The following INTS7 variants were observed in gnomAD, a reference collection of about 807,000 sequenced individuals.
The protein encoded by INTS7 is integrator complex subunit 7, also known as chromosome 1 open reading frame 73.
In INTS7, 46 loss-of-function variants were observed where a neutral mutation model predicts 109.2. The observed-to-expected ratio is 0.42, with a 90% confidence interval of 0.33 to 0.54. INTS7 has a LOEUF of 0.54. INTS7 is among the 20% of genes least tolerant of loss of function. The probability of loss-of-function intolerance (pLI) is 0.07; values close to 1 mark genes in which losing one functional copy is unlikely to be tolerated. For synonymous variants in INTS7, 412 were observed against 402.9 expected, an observed-to-expected ratio of 1.02 and a Z score of -0.27; for missense variants, 929 against 1,132.4, an observed-to-expected ratio of 0.82 and a Z score of 2.58.
intron 8 of INTS7, among the ~76,000 whole-genome samples, chr1:211,986,617 G>A (rs1209491786): frequency 6.6e-6 from 1 of 152,260 alleles, no homozygotes; most frequent in East Asian, 1.9e-4. Context: ...TTCTGTTACA[G>A]GGTACCAGAC....
chr1:211,997,471 T>C (rs188657575), intron 7 of INTS7, among the ~76,000 whole-genome samples: 44 of 135,010 alleles, frequency 3.3e-4, no homozygotes, highest in African/African-American at 1.0e-3. Flanking sequence ...CAGTGAATCA[T>C]GACTGCACAC....
Position 211,975,473 on chromosome 1 carries a change from C to G in INTS7, c.1609-101G>C, listed in dbSNP as rs537250674. ...CAGCAGCTAAAAGAGAAACCCAAAC[C>G]TTGGATAAGTCTGAACAATCATTCC... On this transcript the variant is annotated intron_variant, in intron 12 of 19. Coordinates refer to ENST00000366994, the MANE Select transcript of INTS7 (RefSeq NM_015434.4). The G allele has an allele frequency of 5.0e-6, 4 of 799,914 alleles. No individual in the cohort carries two copies. The South Asian group carries it at 6.3e-5, about 13-fold the overall frequency. 49.6% of individuals were successfully genotyped at this position (799,914 alleles called of 1,614,324 possible). A position where few individuals can be genotyped will look rare whatever the true frequency, so the allele number is the denominator to read the frequency against.
chr1:211,941,971 A>G lies in INTS7; in HGVS notation c.2742T>C (p.Asn914=), dbSNP rs184653671. 334 of 1,614,180 alleles carry G rather than the reference A, an allele frequency of 2.1e-4. No homozygotes were observed. In the East Asian group the frequency reaches 7.4e-3, roughly 36 times the overall value. The change falls in exon 20 of 20, where the codon AAT becomes AAC. Residue 914 remains asparagine (N), a synonymous_variant. Transcript: ENST00000366994. ...TGGGACCAGTCTTCCATACTATACC[A>G]TTGGCATCTTTCACAGAAGATTCCA... ...ITVESSVKDA[N]GIVWKTGPRT...
chr1:211,978,869 T>C (rs1455124914), intron 10 of INTS7, among the ~76,000 whole-genome samples: 1 of 152,182 alleles, frequency 6.6e-6, no homozygotes, highest in African/African-American at 2.4e-5. Flanking sequence ...GAAGTGTGGC[T>C]TGTAAACTAT....
In INTS7 at chr1:211,976,941, T is replaced by G. The variant is rs141565681; in HGVS notation, c.1471-222A>C. Among the ~76,000 whole-genome samples the G allele has an allele frequency of 1.5e-3, 229 of 152,288 alleles. 1 individual carries two copies. The highest frequency in any genetic ancestry group is 5.4e-3 in the African/African-American group (223 of 41,542). ...AAAGAAGTAGAAGCAATACCCATAA[T>G]ATGAATAAATTATATAACATAATCA... On this transcript the variant is annotated intron_variant, in intron 11 of 19. Transcript: ENST00000366994.
chr1:211,974,374 T>C (rs1382179937), intron 13 of INTS7, among the ~76,000 whole-genome samples: 4 of 149,104 alleles, frequency 2.7e-5, no homozygotes, highest in African/African-American at 9.8e-5. Flanking sequence ...ACCTGTTTTT[T>C]CTACTTTGAA....
intron 7 of INTS7, among the ~76,000 whole-genome samples, chr1:211,995,599 A>G (rs1665345868): frequency 6.6e-6 from 1 of 152,254 alleles, no homozygotes; most frequent in South Asian, 2.1e-4. Context: ...AAAACTCTCT[A>G]TGGAATAAGA....
chr1:211,965,027 G>T (rs1663806908), intron 16 of INTS7, among the ~76,000 whole-genome samples: 1 of 152,016 alleles, frequency 6.6e-6, no homozygotes, highest in South Asian at 2.1e-4. Flanking sequence ...ACAACCTACA[G>T]AATGGGAGAA....
intron 18 of INTS7, among the ~76,000 whole-genome samples, chr1:211,945,853 C>T (rs1185029653): frequency 3.3e-5 from 5 of 152,200 alleles, no homozygotes; most frequent in African/African-American, 1.2e-4. Flanking sequence ...AATACTAATT[C>T]TACTCACTGG....
intron 1 of INTS7, among the ~76,000 whole-genome samples, chr1:212,025,254 T>C (rs1478704678): frequency 6.6e-6 from 1 of 152,192 alleles, no homozygotes; most frequent in East Asian, 1.9e-4. Flanking sequence ...TACTGTATCA[T>C]TCTATTTTAT....
At chr1:212,011,668 A>T in intron 4 of INTS7, 1 of 395,192 alleles carries the variant, frequency 2.5e-6, no homozygotes, top group Non-Finnish European at 4.6e-6. Flanking sequence ...ACCACAATAC[A>T]GTGTTATTTT....
chr1:212,015,766 AATTT>A (rs1666408659), intron 4 of INTS7, among the ~76,000 whole-genome samples: 1 of 147,182 alleles, frequency 6.8e-6, no homozygotes, highest in Non-Finnish European at 1.5e-5. Flanking sequence ...GGATTCAAAA[AATTT>A]ATTATTCACC....
chr1:211,986,769 A>T, intron 8 of INTS7, among the ~76,000 whole-genome samples: 1 of 152,206 alleles, frequency 6.6e-6, no homozygotes, highest in East Asian at 1.9e-4. Context: ...GGAAATGATT[A>T]GTTGAGTCCA....
intron 4 of INTS7, among the ~76,000 whole-genome samples, chr1:212,014,553 C>G (rs1184996895): frequency 6.6e-6 from 1 of 151,216 alleles, no homozygotes; most frequent in Non-Finnish European, 1.5e-5. Context: ...CTCTCCCTCC[C>G]CCTCCCCCTC....
At chr1:212,035,244 T>A (rs1339194042) in intron 1 of INTS7, 100 bp downstream of exon 1, 1 of 803,992 alleles carries the variant, frequency 1.2e-6, no homozygotes. Context: ...AGCGAAGACA[T>A]GCGCATGCGC....
intron 1 of INTS7, among the ~76,000 whole-genome samples, chr1:212,024,379 T>A (rs1157632838): frequency 1.3e-5 from 2 of 152,202 alleles, no homozygotes; most frequent in Admixed American, 6.5e-5. Context: ...AGATTCCTTT[T>A]GGTAGTGTTT....
chr1:211,979,663 T>C (rs1664567212), intron 10 of INTS7, among the ~76,000 whole-genome samples: 1 of 152,178 alleles, frequency 6.6e-6, no homozygotes, highest in Admixed American at 6.5e-5. Context: ...TTTCCAAATC[T>C]CAAATTATTT....
Position 211,959,567 on chromosome 1 carries a change from A to G in INTS7, c.2183+6863T>C, listed in dbSNP as rs1476925737. On this transcript the variant is annotated intron_variant, in intron 16 of 19. Coordinates refer to ENST00000366994, the MANE Select transcript of INTS7 (RefSeq NM_015434.4). The surrounding 1 kb of genome is among the most constrained non-coding windows in gnomAD (Gnocchi z 4.2). ...TTGCTTTGCCTGCGTGTGCATGGGCAGATCTTGCCTCCCCAGCCCCACAAG... is the reference window on the plus strand; with the variant it reads ...TTGCTTTGCCTGCGTGTGCATGGGCGGATCTTGCCTCCCCAGCCCCACAAG... Among the ~76,000 whole-genome samples, 2 of 152,246 alleles carry G rather than the reference A, an allele frequency of 1.3e-5. No homozygotes were observed. The highest frequency in any genetic ancestry group is 4.1e-4 in the South Asian group (2 of 4,828).
chr1:212,000,031 G>A (rs1218804809), intron 7 of INTS7, among the ~76,000 whole-genome samples: 3 of 152,096 alleles, frequency 2.0e-5, no homozygotes, highest in Admixed American at 6.5e-5. Flanking sequence ...CTTGAACCCT[G>A]GAGGCAGAGG....
Sources: gnomAD v4.1 joint callset for allele counts (sites outside exome capture counted in the v4.1 genomes callset) on GRCh38, gnomAD v4.1.1 for gene constraint, Gnocchi (gnomAD v3.1) non-coding constraint, MANE v1.5 for transcripts, NCBI Gene and HGNC (gene_info 2026-07-23, HGNC 2026-07-21) for gene names.